The following ZBTB20 variants were observed in gnomAD, a reference collection of about 807,000 sequenced individuals.
The protein encoded by ZBTB20 is zinc finger and BTB domain-containing protein 20.
Under a neutral mutation model 56.9 loss-of-function variants are expected in ZBTB20, and 9 were observed. The ratio of observed to expected loss-of-function variants is 0.16; its 90% CI spans 0.10 to 0.28. The LOEUF (loss-of-function observed/expected upper bound fraction) is 0.28. Among genes scored for constraint, ZBTB20 ranks in the 10% least tolerant of loss-of-function variants. The pLI is 1.00. For missense variants in ZBTB20, 655 were observed against 1,003.0 expected (o/e 0.65, Z 4.69); for synonymous variants, 417 against 420.7 (o/e 0.99, Z 0.11).
rs539362297 is a variant in ZBTB20, at chr3:114,577,357, C to T, written c.-294-76966G>A. Reference sequence around the variant, plus strand: ...CAGTTTGTGAAAAACTCAATATCTGCGAAGTGCAATAAAGCAAAGCACAAT... The same window carrying T: ...CAGTTTGTGAAAAACTCAATATCTGTGAAGTGCAATAAAGCAAAGCACAAT... On this transcript the variant is annotated intron_variant, in intron 6 of 11. Coordinates refer to ENST00000675478, the MANE Select transcript of ZBTB20 (RefSeq NM_001348800.3). 6.6e-5 allele frequency among the ~76,000 whole-genome samples: 10 copies of T among 151,828 alleles called. No individual in the cohort carries two copies. In the East Asian group the frequency reaches 1.5e-3, roughly 23 times the overall value.
chr3:114,929,073 A>C (rs1167973430), intron 3 of ZBTB20, among the ~76,000 whole-genome samples: 1 of 152,196 alleles, frequency 6.6e-6, no homozygotes, highest in Non-Finnish European at 1.5e-5. Context: ...TATATACATA[A>C]ATAATATAAT....
intron 6 of ZBTB20, among the ~76,000 whole-genome samples, chr3:114,521,787 G>A (rs890641865): frequency 1.3e-5 from 2 of 152,132 alleles, no homozygotes; most frequent in African/African-American, 4.8e-5. Context: ...TTCTGGATAA[G>A]CCTGCATAAA....
intron 5 of ZBTB20, among the ~76,000 whole-genome samples, chr3:114,739,814 T>C (rs2066448184): frequency 6.6e-6 from 1 of 152,224 alleles, no homozygotes; most frequent in African/African-American, 2.4e-5. Context: ...ATTCTGACAT[T>C]CCACCACTGT....
Position 114,321,921 on chromosome 3 carries a change from T to C in ZBTB20, c.*17084A>G, listed in dbSNP as rs1031969854. The C allele has an allele frequency of 1.3e-5, 2 of 152,234 alleles. No individual in the cohort carries two copies. Among genetic ancestry groups the C allele is most frequent in the South Asian group, 4.1e-4 (2 of 4,830 alleles). The allele number at this position is 152,234 out of a possible 1,614,324, so 9.4% of individuals were successfully genotyped here. ...CAGAAAAGCGTAACTGAATAAATTA[T>C]TAATCTAGTACTCACTACGACAAGA... is the stretch of plus-strand genomic sequence containing the variant. On this transcript the variant is annotated 3_prime_UTR_variant, in exon 12 of 12. Coordinates refer to ENST00000675478, the MANE Select transcript of ZBTB20 (RefSeq NM_001348800.3).
intron 4 of ZBTB20, among the ~76,000 whole-genome samples, chr3:114,819,405 AAGAT>A (rs1420739664): frequency 6.6e-6 from 1 of 151,964 alleles, no homozygotes; most frequent in African/African-American, 2.4e-5. Context: ...TGAAAAAAGA[AAGAT>A]AAGGAAGGAT....
At chr3:114,978,096 A>G (rs1576473297) in intron 2 of ZBTB20, among the ~76,000 whole-genome samples, 1 of 151,432 alleles carries the variant, frequency 6.6e-6, no homozygotes, top group Non-Finnish European at 1.5e-5. Context: ...AAATATTTTT[A>G]AAGTGTATAA....
At position 114,523,499 on chromosome 3, in the gene ZBTB20, G is replaced by T. The variant is rs189701473; in HGVS notation, c.-294-23108C>A. ...AAATTATGTGTTTGTATACTGATAG[G>T]AAAGTTTTGATAGAAAGAGAAAATT... On this transcript the variant is annotated intron_variant, in intron 6 of 11. Coordinates refer to ENST00000675478, the MANE Select transcript of ZBTB20 (RefSeq NM_001348800.3). 3.7e-4 allele frequency among the ~76,000 whole-genome samples: 57 copies of T among 152,268 alleles called. No individual in the cohort carries two copies. The Middle Eastern group carries it at 0.01, about 27-fold the overall frequency.
intron 2 of ZBTB20, among the ~76,000 whole-genome samples, chr3:114,981,764 G>T (rs1210414421): frequency 6.6e-6 from 1 of 152,004 alleles, no homozygotes; most frequent in African/African-American, 2.4e-5. Context: ...GCAGAACCAG[G>T]ATTTATGCCC....
intron 2 of ZBTB20, among the ~76,000 whole-genome samples, chr3:115,058,030 C>T (rs570283808): frequency 4.9e-4 from 74 of 152,142 alleles, no homozygotes; most frequent in Non-Finnish European, 8.5e-4. Flanking sequence ...GGGGAAAAGC[C>T]CCTTATAAAA....
intron 1 of ZBTB20, among the ~76,000 whole-genome samples, chr3:115,087,386 A>C (rs1028290753): frequency 3.3e-5 from 5 of 151,898 alleles, no homozygotes; most frequent in African/African-American, 9.7e-5. Context: ...TAGAGAAAAA[A>C]AGGCTTCACG....
chr3:114,524,856 A>G (rs1288244978), intron 6 of ZBTB20, among the ~76,000 whole-genome samples: 1 of 152,162 alleles, frequency 6.6e-6, no homozygotes, highest in East Asian at 1.9e-4. Flanking sequence ...CTGAGATTAC[A>G]GGCACGCACC....
In ZBTB20 at chr3:114,322,957, T is replaced by A. The variant is rs2078947026; in HGVS notation, c.*16048A>T. 1 of 152,200 alleles carries A rather than the reference T, an allele frequency of 6.6e-6. No individual in the cohort carries two copies. Among genetic ancestry groups the A allele is most frequent in the Admixed American group, 6.5e-5 (1 of 15,286 alleles). 9.4% of individuals were successfully genotyped at this position (152,200 alleles called of 1,614,324 possible). ...CATATGTGACAGTGTTCAGAGAAAT[T>A]CAACATTAGCCATTTATATGGGTTG... On this transcript the variant is annotated 3_prime_UTR_variant, in exon 12 of 12. Transcript: ENST00000675478.
intron 8 of ZBTB20, among the ~76,000 whole-genome samples, chr3:114,384,364 T>C (rs1359155509): frequency 6.6e-6 from 1 of 151,332 alleles, no homozygotes; most frequent in African/African-American, 2.4e-5. Flanking sequence ...TTCGCAAATA[T>C]ATGCAAAGCA....
At chr3:114,778,753 A>G (rs187545355) in intron 5 of ZBTB20, among the ~76,000 whole-genome samples, 1 of 152,328 alleles carries the variant, frequency 6.6e-6, no homozygotes, top group East Asian at 1.9e-4. Context: ...CTTTTGGAGA[A>G]AATAGTCCAA....
chr3:114,737,602 T>C (rs545885171), intron 5 of ZBTB20, among the ~76,000 whole-genome samples: 4 of 152,346 alleles, frequency 2.6e-5, no homozygotes, highest in South Asian at 2.1e-4. Flanking sequence ...GGATAACTTC[T>C]ATGAGATTAT....
rs187766267 is a variant in ZBTB20, at chr3:114,954,825, T to C, written c.-456+19541A>G. ...AGTATCAGGGGAACATAAAACTTCA[T>C]TGAGTTCTGGCTAGAACAACATCTT... On this transcript the variant is annotated intron_variant, in intron 3 of 11. Coordinates refer to ENST00000675478, the MANE Select transcript of ZBTB20 (RefSeq NM_001348800.3). 2.6e-3 allele frequency among the ~76,000 whole-genome samples: 394 copies of C among 152,312 alleles called. 2 individuals carry two copies. Among genetic ancestry groups the C allele is most frequent in the African/African-American group, 9.3e-3 (386 of 41,576 alleles).
intron 5 of ZBTB20, among the ~76,000 whole-genome samples, chr3:114,796,354 A>G (rs904858054): frequency 7.2e-5 from 11 of 152,022 alleles, no homozygotes; most frequent in African/African-American, 9.6e-5. Flanking sequence ...TAGTACATAC[A>G]ACCCGGTAGG....
intron 6 of ZBTB20, among the ~76,000 whole-genome samples, chr3:114,675,271 T>C (rs914553959): frequency 1.3e-5 from 2 of 149,244 alleles, no homozygotes; most frequent in Non-Finnish European, 3.0e-5. Flanking sequence ...AAATTGCTCC[T>C]TGTAGCTCCC....
At chr3:114,617,700 C>T (rs1197461709) in intron 6 of ZBTB20, among the ~76,000 whole-genome samples, 1 of 152,174 alleles carries the variant, frequency 6.6e-6, no homozygotes, top group Non-Finnish European at 1.5e-5. Flanking sequence ...CTCATGCTTA[C>T]CCACTCAGAT....
Sources: allele counts gnomAD v4.1 joint callset (sites outside exome capture counted in the v4.1 genomes callset), GRCh38; gene constraint gnomAD v4.1.1; transcripts MANE v1.5; gene names NCBI Gene and HGNC (gene_info 2026-07-23, HGNC 2026-07-21).